FBXL13: variants seen among roughly 807,000 people sequenced by gnomAD.
The protein encoded by FBXL13 is F-box and leucine-rich repeat protein 13.
Under a neutral mutation model 83.6 loss-of-function variants are expected in FBXL13, and 67 were observed. That is an observed-to-expected ratio of 0.80 (90% confidence interval 0.66 to 0.98). FBXL13 has a LOEUF of 0.98. Among genes scored for constraint, FBXL13 ranks in the 50% least tolerant of loss-of-function variants. The pLI is 0.00. For synonymous variants in FBXL13, 272 were observed against 299.5 expected, an observed-to-expected ratio of 0.91 and a Z score of 0.95; for missense variants, 822 against 866.5, an observed-to-expected ratio of 0.95 and a Z score of 0.64.
intron 6 of FBXL13, among the ~76,000 whole-genome samples, chr7:103,024,135 AAGAGAGAGAGAG>A (rs59206823): frequency 0.067 from 6,454 of 96,666 alleles, 258 homozygotes; most frequent in East Asian, 0.19. Context: ...AAAAGTTAAA[AAGAGAGAGAGAG>A]AGAGAGAGAG....
At chr7:102,998,888 T>A (rs1790099148) in intron 6 of FBXL13, among the ~76,000 whole-genome samples, 2 of 152,114 alleles carry the variant, frequency 1.3e-5, no homozygotes, top group African/African-American at 4.8e-5. Context: ...TTTGACTTCC[T>A]CCTTCCCAAT....
intron 2 of FBXL13, among the ~76,000 whole-genome samples, chr7:103,044,223 C>A (rs1160888112): frequency 6.6e-6 from 1 of 152,144 alleles, no homozygotes; most frequent in Non-Finnish European, 1.5e-5. Context: ...CCGTTTCCTT[C>A]AATAAATAAG....
At chr7:103,055,745 T>C in exon 2 of FBXL13, 1 of 1,249,006 alleles carries the variant, frequency 8.0e-7, no homozygotes, top group Non-Finnish European at 1.0e-6. Context: ...CACATAACAG[T>C]GCCTAGGGGA....
Position 102,963,598 on chromosome 7 carries a change from C to T in FBXL13, c.659G>A (p.Arg220His), listed in dbSNP as rs75323828. ...AAAATTCAAACGCAGCACATTTAAA[C>T]GCCACCTTTGCAAAGTAGACACTAT... is the stretch of plus-strand genomic sequence containing the variant. The change falls in exon 8 of 20, where the codon CGT becomes CAT. Residue 220 changes from arginine (R) to histidine (H), a missense_variant. Arg to His is a conservative substitution (Grantham distance 29, BLOSUM62 0). Coordinates refer to ENST00000313221, the Ensembl canonical transcript of FBXL13. 4,297 of 1,612,782 alleles carry T rather than the reference C, an allele frequency of 2.7e-3. 45 individuals carry two copies. The highest frequency in any genetic ancestry group is 0.016 in the South Asian group (1,453 of 90,596).
At chr7:103,074,559 C>G (rs1383125978) in exon 1 of FBXL13, 1 of 1,221,254 alleles carries the variant, frequency 8.2e-7, no homozygotes, top group Non-Finnish European at 1.1e-6. Context: ...ACTTCACTTT[C>G]TCGCATTCTG....
At position 103,027,443 on chromosome 7, in the gene FBXL13, C is replaced by A; in HGVS notation, c.327+6G>T. ...ATTCTTAAAAAATTGTTTCAATATA[C>A]AATACCAGCTCATCTTCTTTCTTTT... On this transcript the variant is annotated splice_donor_region_variant and intron_variant, in intron 5 of 19. Coordinates refer to ENST00000313221, the Ensembl canonical transcript of FBXL13. 2 of 1,594,098 alleles carry A rather than the reference C, an allele frequency of 1.3e-6. No individual in the cohort carries two copies. Among genetic ancestry groups the A allele is most frequent in the South Asian group, 2.2e-5 (2 of 89,658 alleles).
At chr7:103,007,423 GGAT>G (rs1465221806) in intron 6 of FBXL13, among the ~76,000 whole-genome samples, 1 of 151,924 alleles carries the variant, frequency 6.6e-6, no homozygotes, top group Non-Finnish European at 1.5e-5. Flanking sequence ...GCTAGCCAGA[GGAT>G]GATGGAATTA....
chr7:102,890,023 G>A (rs1261951827), intron 11 of FBXL13, among the ~76,000 whole-genome samples: 1 of 152,038 alleles, frequency 6.6e-6, no homozygotes, highest in Admixed American at 6.6e-5. Flanking sequence ...GTAGGGCTCT[G>A]AGAAGGACTC....
intron 10 of FBXL13, among the ~76,000 whole-genome samples, chr7:102,915,468 T>G (rs555145112): frequency 6.6e-6 from 1 of 151,990 alleles, no homozygotes; most frequent in Non-Finnish European, 1.5e-5. Flanking sequence ...TTCCAAGAGT[T>G]TGAAGGATTT....
intron 17 of FBXL13, among the ~76,000 whole-genome samples, chr7:102,854,111 A>G (rs185096086): frequency 0.22 from 33,381 of 151,252 alleles, 4,115 homozygotes; most frequent in East Asian, 0.58. Context: ...GCAAAGACTT[A>G]GAACCAACCC....
intron 8 of FBXL13, among the ~76,000 whole-genome samples, chr7:102,958,590 A>C (rs1366507906): frequency 6.6e-6 from 1 of 151,222 alleles, no homozygotes; most frequent in Non-Finnish European, 1.5e-5. Context: ...GAGAGAGCAA[A>C]TTTGGGTGGC....
chr7:102,964,753 C>A (rs1483632730), intron 7 of FBXL13, among the ~76,000 whole-genome samples: 1 of 152,074 alleles, frequency 6.6e-6, no homozygotes, highest in African/African-American at 2.4e-5. Context: ...AATTCTACTT[C>A]TAAGAATTTA....
intron 14 of FBXL13, among the ~76,000 whole-genome samples, chr7:102,882,531 G>A (rs772521132): frequency 6.6e-6 from 1 of 152,168 alleles, no homozygotes; most frequent in Non-Finnish European, 1.5e-5. Flanking sequence ...GGAGGCTGAG[G>A]CAGGTGGATC....
rs145645043 is a variant in FBXL13 at position 102,887,912 on chromosome 7, T to C, written c.1009-3600A>G. Among the ~76,000 whole-genome samples the C allele has an allele frequency of 1.1e-3, 165 of 152,322 alleles. 2 individuals are homozygous for C. The East Asian group carries it at 0.027, about 25-fold the overall frequency. On this transcript the variant is annotated intron_variant, in intron 11 of 19. Coordinates refer to ENST00000313221, the Ensembl canonical transcript of FBXL13. ...CTGAAGAGTGGATAGTTTTCAAATT[T>C]TCTACAGTGACCATGTATAGTCAGA... is the stretch of plus-strand genomic sequence containing the variant.
intron 16 of FBXL13, among the ~76,000 whole-genome samples, chr7:102,862,145 C>A (rs928661935): frequency 2.0e-5 from 3 of 151,902 alleles, no homozygotes; most frequent in Admixed American, 6.6e-5. Context: ...GAGTTCGAGA[C>A]CAGCCTGGTC....
At chr7:102,912,889 C>T (rs1815024007) in intron 11 of FBXL13, 197 bp downstream of exon 12, 1 of 603,764 alleles carries the variant, frequency 1.7e-6, no homozygotes, top group African/African-American at 1.9e-5. Context: ...CTGTGTGACA[C>T]TCCAGTGGAA....
At chr7:102,839,067 T>C (rs1313352096) in intron 17 of FBXL13, among the ~76,000 whole-genome samples, 1 of 152,252 alleles carries the variant, frequency 6.6e-6, no homozygotes, top group Non-Finnish European at 1.5e-5. Context: ...TGTTCAATTC[T>C]GAGATAGGAG....
intron 8 of FBXL13, among the ~76,000 whole-genome samples, chr7:102,947,713 T>C (rs184947666): frequency 1.3e-5 from 2 of 152,066 alleles, no homozygotes; most frequent in African/African-American, 4.8e-5. Flanking sequence ...TATTTTACAG[T>C]AGTAAAAAAT....
intron 8 of FBXL13, chr7:102,942,344 T>C: frequency 6.3e-7 from 1 of 1,582,234 alleles, no homozygotes; most frequent in Non-Finnish European, 8.6e-7. Flanking sequence ...TTTGCTGTGG[T>C]AAGTATACAA....
Sources: gnomAD v4.1 joint callset for allele counts (sites outside exome capture counted in the v4.1 genomes callset) on GRCh38, gnomAD v4.1.1 for gene constraint, MANE v1.5 for transcripts, NCBI Gene and HGNC (gene_info 2026-07-23, HGNC 2026-07-21) for gene names.